The following PCDH15 variants were observed in gnomAD, a reference collection of about 807,000 sequenced individuals.
The protein encoded by PCDH15 is protocadherin-15.
Under a neutral mutation model 178.5 loss-of-function variants are expected in PCDH15, and 129 were observed. The observed-to-expected ratio is 0.72, with a 90% CI of 0.63 to 0.84. PCDH15 has a LOEUF of 0.84. PCDH15 is among the 40% of genes least tolerant of loss of function. The pLI is 0.00. For missense variants in PCDH15, 2,230 were observed against 2,099.9 expected (o/e 1.06, Z -1.21); for synonymous variants, 800 against 732.0 (o/e 1.09, Z -1.50).
At chr10:54,092,131 T>C (rs1312900141) in intron 15 of PCDH15, among the ~76,000 whole-genome samples, 1 of 152,198 alleles carries the variant, frequency 6.6e-6, no homozygotes, top group African/African-American at 2.4e-5. Flanking sequence ...AGTAAGTACC[T>C]GCAACTCCAT....
At chr10:55,359,582 G>C (rs1845171882) in intron 2 of PCDH15, among the ~76,000 whole-genome samples, 1 of 151,390 alleles carries the variant, frequency 6.6e-6, no homozygotes, top group Non-Finnish European at 1.5e-5. Flanking sequence ...CCACAACTGG[G>C]AATAAATTTA....
intron 1 of PCDH15, among the ~76,000 whole-genome samples, chr10:54,712,492 A>G (rs2132377210): frequency 6.6e-6 from 1 of 152,042 alleles, no homozygotes; most frequent in Admixed American, 6.6e-5. Flanking sequence ...GAGAGTTTTG[A>G]AAAAGTTTGA....
At chr10:55,079,334 A>G (rs1158192580) in intron 2 of PCDH15, among the ~76,000 whole-genome samples, 1 of 152,162 alleles carries the variant, frequency 6.6e-6, no homozygotes, top group Admixed American at 6.5e-5. Flanking sequence ...TCAGTAATGT[A>G]GTCTCTGTAT....
intron 2 of PCDH15, among the ~76,000 whole-genome samples, chr10:55,365,681 C>T (rs146572167): frequency 1.1e-4 from 17 of 152,048 alleles, no homozygotes; most frequent in African/African-American, 3.9e-4. Context: ...AAGGGGAGTT[C>T]CCCTGCACAA....
At chr10:54,945,324 GGATAGATAGATA>G (rs71883309) in intron 2 of PCDH15, among the ~76,000 whole-genome samples, 2 of 140,162 alleles carry the variant, frequency 1.4e-5, no homozygotes, top group Non-Finnish European at 1.6e-5. Flanking sequence ...ATGGATGTAT[GGATAGATAGATA>G]GATAGATAGA....
intron 8 of PCDH15, among the ~76,000 whole-genome samples, chr10:54,257,403 C>CTTTTTTTTTTT (rs71461225): frequency 7.9e-6 from 1 of 126,024 alleles, no homozygotes. Context: ...GAATTGTCTT[C>CTTTTTTTTTTT]TTTTTTTTTT....
At chr10:54,186,813 A>G (rs187417238) in intron 11 of PCDH15, among the ~76,000 whole-genome samples, 1 of 152,154 alleles carries the variant, frequency 6.6e-6, no homozygotes, top group East Asian at 1.9e-4. Context: ...ATTCTAAAAA[A>G]TCTAACATGT....
At chr10:55,435,927 T>A (rs929647332) in intron 2 of PCDH15, among the ~76,000 whole-genome samples, 7 of 152,138 alleles carry the variant, frequency 4.6e-5, no homozygotes, top group Non-Finnish European at 8.8e-5. Flanking sequence ...GCAAAAGTAG[T>A]TTCCATGTCA....
rs115439317 is a variant in PCDH15 at position 54,244,899 on chromosome 10, A to G, written c.877-7968T>C. Among the ~76,000 whole-genome samples the G allele has an allele frequency of 6.2e-3, 941 of 152,300 alleles. 10 individuals are homozygous for G. The highest frequency in any genetic ancestry group is 0.019 in the African/African-American group (775 of 41,572). On this transcript the variant is annotated intron_variant, in intron 8 of 37. Transcript: ENST00000644397. Reference sequence around the variant, plus strand: ...TAAGGAGACAATCTTGGGAGAATTTATTTGTTCATAATTTTAGTCTCATTA... The same window carrying G: ...TAAGGAGACAATCTTGGGAGAATTTGTTTGTTCATAATTTTAGTCTCATTA...
chr10:55,253,254 G>A (rs1358221370), intron 1 of PCDH15, among the ~76,000 whole-genome samples: 3 of 149,112 alleles, frequency 2.0e-5, no homozygotes, highest in South Asian at 4.2e-4. Flanking sequence ...GTGTGCGTGT[G>A]TGTGTGTGTG....
At chr10:54,777,862 C>T (rs1434981286) in intron 1 of PCDH15, among the ~76,000 whole-genome samples, 1 of 152,090 alleles carries the variant, frequency 6.6e-6, no homozygotes, top group Non-Finnish European at 1.5e-5. Flanking sequence ...TAAGAGTTTT[C>T]CAAAGTATGT....
In PCDH15 at chr10:54,828,847, A is replaced by G. The variant is rs117101261; in HGVS notation, c.-29+68603T>C. On this transcript the variant is annotated intron_variant, in intron 3 of 5. Coordinates refer to the PCDH15 transcript ENST00000458638. ...CAGGGTAAAGAAACAGATAGCCAGA[A>G]GTGTTATTTTAGATAAGGAGGTTAG... Among the ~76,000 whole-genome samples, 946 of 152,102 alleles carry G rather than the reference A, an allele frequency of 6.2e-3. 10 individuals carry two copies. Among genetic ancestry groups the G allele is most frequent in the Non-Finnish European group, 1.0e-2 (677 of 67,940 alleles).
chr10:55,369,010 CAAAAAAAAAAAAA>C (rs60906060), intron 2 of PCDH15, among the ~76,000 whole-genome samples: 3 of 86,180 alleles, frequency 3.5e-5, no homozygotes, highest in South Asian at 5.0e-4. Flanking sequence ...TTTTTGGGAC[CAAAAAAAAAAAAA>C]AAAAAAAAAA....
rs529294759 is a variant in PCDH15, at chr10:55,070,229, A to G, written c.-80+96347T>C. Reference sequence around the variant, plus strand: ...AAAATTTTCTTCCATTCTGTAGGTTACCTGTTCACTCTGATGGTAGTTTCT... The same window carrying G: ...AAAATTTTCTTCCATTCTGTAGGTTGCCTGTTCACTCTGATGGTAGTTTCT... On this transcript the variant is annotated intron_variant, in intron 2 of 5. Coordinates refer to the PCDH15 transcript ENST00000458638. 3.3e-4 allele frequency among the ~76,000 whole-genome samples: 50 copies of G among 151,784 alleles called. No homozygotes were observed. The East Asian group carries it at 8.8e-3, about 27-fold the overall frequency.
At chr10:54,108,006 G>A (rs1046069231) in intron 15 of PCDH15, among the ~76,000 whole-genome samples, 1 of 152,038 alleles carries the variant, frequency 6.6e-6, no homozygotes, top group African/African-American at 2.4e-5. Context: ...ACTCTCATAT[G>A]TGTTGAGTTA....
At chr10:54,675,835 A>G (rs766618185) in intron 1 of PCDH15, among the ~76,000 whole-genome samples, 2 of 152,194 alleles carry the variant, frequency 1.3e-5, no homozygotes, top group Non-Finnish European at 2.9e-5. Flanking sequence ...CCCAGCAAAT[A>G]GCTTAGCCCA....
At chr10:53,829,094 G>A (rs2076874662) in intron 30 of PCDH15, among the ~76,000 whole-genome samples, 2 of 152,018 alleles carry the variant, frequency 1.3e-5, no homozygotes, top group Non-Finnish European at 2.9e-5. Context: ...AAGTTCAAAG[G>A]CATATCATTA....
intron 18 of PCDH15, among the ~76,000 whole-genome samples, chr10:54,033,110 A>C (rs902866055): frequency 6.6e-6 from 1 of 151,960 alleles, no homozygotes; most frequent in African/African-American, 2.4e-5. Context: ...CAGCCAAACC[A>C]TATCAGTCAC....
chr10:55,266,323 G>GCTGT (rs1424974299), intron 1 of PCDH15, among the ~76,000 whole-genome samples: 1 of 151,988 alleles, frequency 6.6e-6, no homozygotes, highest in Admixed American at 6.5e-5. Flanking sequence ...GAATCTCACT[G>GCTGT]CTGTTCTCCC....
Sources: gnomAD v4.1 joint callset for allele counts (sites outside exome capture counted in the v4.1 genomes callset) on GRCh38, gnomAD v4.1.1 for gene constraint, MANE v1.5 for transcripts, NCBI Gene and HGNC (gene_info 2026-07-23, HGNC 2026-07-21) for gene names.